GOLGA3: variants seen among roughly 807,000 people sequenced by gnomAD.
The protein encoded by GOLGA3 is golgin subfamily A member 3.
GOLGA3 carries 75 observed loss-of-function variants against 169.4 expected under a neutral mutation model. The observed-to-expected ratio is 0.44, with a 90% CI of 0.37 to 0.54. The LOEUF is 0.54. Ranked by LOEUF, GOLGA3 falls within the 20% of genes least tolerant of loss-of-function variation. GOLGA3 has a pLI of 0.00. For synonymous variants in GOLGA3, 824 were observed against 822.4 expected, an observed-to-expected ratio of 1.00 and a Z score of -0.03; for missense variants, 1,899 against 1,930.0, an observed-to-expected ratio of 0.98 and a Z score of 0.30.
intron 18 of GOLGA3, among the ~76,000 whole-genome samples, chr12:132,780,146 A>G (rs572492765): frequency 1.1e-4 from 14 of 129,016 alleles, no homozygotes; most frequent in Admixed American, 3.0e-4. Flanking sequence ...ACACGTGTGT[A>G]CAGACATCAC....
At chr12:132,798,179 T>TTGGG in intron 9 of GOLGA3, among the ~76,000 whole-genome samples, 161 bp downstream of exon 9, 1 of 37,832 alleles carries the variant, frequency 2.6e-5, no homozygotes, top group East Asian at 1.1e-3. Context: ...GGATGAGGGG[T>TTGGG]GGGGGGGGGG....
At chr12:132,808,704 G>A (rs1392039027) in intron 4 of GOLGA3, among the ~76,000 whole-genome samples, 155 bp from the exon 5 acceptor site, 2 of 152,204 alleles carry the variant, frequency 1.3e-5, no homozygotes, top group Non-Finnish European at 2.9e-5. Flanking sequence ...GGTGCGGCCA[G>A]GCCTCCGATC....
At position 132,808,285 on chromosome 12, in the gene GOLGA3, T is replaced by A; in HGVS notation, c.784A>T (p.Asn262Tyr). The A allele has an allele frequency of 6.2e-7, 1 of 1,614,108 alleles. No homozygotes were observed. Among genetic ancestry groups the A allele is most frequent in the Non-Finnish European group, 8.5e-7 (1 of 1,180,020 alleles). Residue 262 changes from asparagine to tyrosine, a missense_variant, in exon 5 of 24, where the codon AAT (asparagine) becomes TAT (tyrosine). Coordinates refer to ENST00000450791, the MANE Select transcript of GOLGA3 (RefSeq NM_001389683.1). ...TTGGTAGAATCGGGAGCCGGGACAT[T>A]TCCCCCAGAATTCCCCGCATTTGAA... is the stretch of plus-strand genomic sequence containing the variant. ...EDSNAGNSGGNVPAPDSTKGS... is the reference protein window; with the variant it reads ...EDSNAGNSGGYVPAPDSTKGS...
chr12:132,790,057 C>G (rs972560797), intron 12 of GOLGA3, among the ~76,000 whole-genome samples: 16 of 151,906 alleles, frequency 1.1e-4, no homozygotes, highest in African/African-American at 3.6e-4. Context: ...ACAGGCCGGG[C>G]GTGGTGGCTC....
intron 15 of GOLGA3, 124 bp downstream of exon 15, chr12:132,786,212 TTAG>T: frequency 1.6e-6 from 1 of 638,106 alleles, no homozygotes; most frequent in South Asian, 2.0e-5. Flanking sequence ...GAGCGGGAGT[TTAG>T]AGAGTTGCCA....
intron 11 of GOLGA3, among the ~76,000 whole-genome samples, chr12:132,794,333 TAAAAAAAA>T (rs1218754773): frequency 5.4e-4 from 72 of 132,444 alleles, no homozygotes; most frequent in Non-Finnish European, 3.3e-5. Flanking sequence ...CGTATCTATT[TAAAAAAAA>T]AAAAAAAAAA....
intron 8 of GOLGA3, among the ~76,000 whole-genome samples, chr12:132,799,730 T>C (rs1238542613): frequency 6.6e-6 from 1 of 151,974 alleles, no homozygotes; most frequent in Non-Finnish European, 1.5e-5. Context: ...CCATACTTCC[T>C]TGTTGTTGGT....
In GOLGA3 at chr12:132,826,915, TAA is replaced by T. The variant is rs747410585; in HGVS notation, c.-184+1886_-184+1887del. On this transcript the variant is annotated intron_variant, in intron 1 of 23. Transcript: ENST00000450791. The stretch of plus-strand genomic sequence containing the variant: ...ACTACAAACATGGCTCTATTTTAAA[TAA>T]AGAGGCCAGTCTAATCAGTCTCACT... 1.8e-4 allele frequency among the ~76,000 whole-genome samples: 27 copies of T among 152,300 alleles called. No individual in the cohort carries two copies. In the South Asian group the frequency reaches 2.3e-3, roughly 13 times the overall value.
chr12:132,782,514 T>C (rs1054608489), intron 16 of GOLGA3, 21 bp from the exon 17 acceptor site: 36 of 1,586,754 alleles, frequency 2.3e-5, no homozygotes, highest in Admixed American at 3.3e-5. Context: ...CCAATGTCAC[T>C]GTAAAATTAC....
chr12:132,774,051 C>T (rs2045071466), intron 23 of GOLGA3, 106 bp downstream of exon 23: 1 of 1,080,960 alleles, frequency 9.3e-7, no homozygotes, highest in Admixed American at 2.6e-5. Context: ...TATAAACCTG[C>T]TGAAACTCTG....
chr12:132,794,536 T>G (rs182772861), intron 11 of GOLGA3, among the ~76,000 whole-genome samples: 1 of 152,148 alleles, frequency 6.6e-6, no homozygotes, highest in Non-Finnish European at 1.5e-5. Context: ...TCATCTGCCC[T>G]GGGGAAAACA....
Position 132,807,319 on chromosome 12 carries a change from C to T in GOLGA3, c.1179-31G>A, listed in dbSNP as rs778672131. 11 of 1,266,122 alleles carry T rather than the reference C, an allele frequency of 8.7e-6. No homozygotes were observed. In the East Asian group the frequency reaches 1.0e-4, roughly 12 times the overall value. The allele number at this position is 1,266,122 out of a possible 1,614,324, so 78.4% of individuals were successfully genotyped here. A position where few individuals can be genotyped will look rare whatever the true frequency, so the allele number is the denominator to read the frequency against. ...GACAAAGGCACGGGTCAGGCCTGTG[C>T]GAGCCATCCTCATTTTCTTTCACAC... On this transcript the variant is annotated intron_variant, in intron 5 of 23. Coordinates refer to ENST00000450791, the MANE Select transcript of GOLGA3 (RefSeq NM_001389683.1).
At chr12:132,819,144 G>A (rs576649210) in intron 2 of GOLGA3, among the ~76,000 whole-genome samples, 43 of 151,480 alleles carry the variant, frequency 2.8e-4, no homozygotes, top group African/African-American at 3.9e-4. Flanking sequence ...CTGGAGGCCC[G>A]GCAACACCTC....
At chr12:132,775,357 G>C (rs749261887) in intron 21 of GOLGA3, 52 bp from the exon 22 acceptor site, 1 of 1,482,924 alleles carries the variant, frequency 6.7e-7, no homozygotes, top group Non-Finnish European at 9.2e-7. Context: ...TAAACATCCT[G>C]CCAAGATCCG....
intron 2 of GOLGA3, 89 bp downstream of exon 2, chr12:132,821,907 T>TCTCAACGCCACATCCTCC (rs550199655): frequency 5.3e-6 from 4 of 760,352 alleles, no homozygotes; most frequent in African/African-American, 3.8e-5. Flanking sequence ...CTCACAGTGG[T>TCTCAACGCCACATCCTCC]CTCAACGCCA....
chr12:132,786,806 G>T lies in GOLGA3; in HGVS notation c.2812-19C>A. On this transcript the variant is annotated intron_variant, in intron 13 of 23. Coordinates refer to ENST00000450791, the MANE Select transcript of GOLGA3 (RefSeq NM_001389683.1). ...GCAACGACTGTGGAAGGGAAGGAGG[G>T]CGTGAGGAGCGGCACTGCCACCCCC... is the stretch of plus-strand genomic sequence containing the variant. 2.0e-6 allele frequency: 3 copies of T among 1,534,012 alleles called. No individual in the cohort carries two copies. The highest frequency in any genetic ancestry group is 2.7e-6 in the Non-Finnish European group (3 of 1,107,250).
chr12:132,781,793 G>A (rs912557748), intron 17 of GOLGA3, among the ~76,000 whole-genome samples: 2 of 152,102 alleles, frequency 1.3e-5, no homozygotes, highest in Admixed American at 6.5e-5. Flanking sequence ...GTGAGAACCA[G>A]GTCAGGGTTC....
intron 1 of GOLGA3, among the ~76,000 whole-genome samples, chr12:132,823,269 A>G (rs1200322175): frequency 2.0e-5 from 3 of 152,266 alleles, no homozygotes; most frequent in Non-Finnish European, 2.9e-5. Flanking sequence ...GCAAGTGATT[A>G]TCCACCCTGA....
intron 3 of GOLGA3, among the ~76,000 whole-genome samples, chr12:132,815,911 A>G (rs983028950): frequency 4.6e-5 from 7 of 152,194 alleles, no homozygotes; most frequent in African/African-American, 1.7e-4. Flanking sequence ...ATTAAAAAAC[A>G]AAACAGGCTG....
Sources: gnomAD v4.1 joint callset for allele counts (sites outside exome capture counted in the v4.1 genomes callset) on GRCh38, gnomAD v4.1.1 for gene constraint, MANE v1.5 for transcripts, NCBI Gene and HGNC (gene_info 2026-07-23, HGNC 2026-07-21) for gene names.